Variants in CLASP1 observed in about 807,000 individuals in gnomAD.
CLASP1 encodes the protein cytoplasmic linker associated protein 1.
Under a neutral mutation model 192.3 loss-of-function variants are expected in CLASP1, and 38 were observed. The observed-to-expected ratio is 0.20, with a 90% CI of 0.15 to 0.26. CLASP1 has a LOEUF of 0.26. Ranked by LOEUF, CLASP1 falls within the 10% of genes least tolerant of loss-of-function variation. The pLI, the probability that CLASP1 is intolerant of heterozygous loss-of-function variation, is 1.00. For synonymous variants in CLASP1, 691 were observed against 712.8 expected (o/e 0.97, Z 0.49); for missense variants, 1,433 against 1,932.5 (o/e 0.74, Z 4.85).
chr2:121,648,843 G>C (rs2073679172), intron 1 of CLASP1, among the ~76,000 whole-genome samples: 1 of 152,240 alleles, frequency 6.6e-6, no homozygotes, highest in Non-Finnish European at 1.5e-5. Context: ...GCTCGGCGCC[G>C]CTCGCGCAGC....
exon 35 of CLASP1, chr2:121,367,814 G>A (rs376745867): frequency 1.4e-5 from 22 of 1,613,220 alleles, no homozygotes; most frequent in Middle Eastern, 1.6e-4. Context: ...GGGAGGCAGC[G>A]CCCCCATCGC....
chr2:121,350,503 G>T lies in CLASP1; in HGVS notation c.4207-1785C>A, dbSNP rs116831067. Reference sequence around the variant, plus strand: ...GGGCCCTCACTGAGGCTCTCCTGGGGCTCTGGGAAGAGACTGTGGCTCCAG... The same window carrying T: ...GGGCCCTCACTGAGGCTCTCCTGGGTCTCTGGGAAGAGACTGTGGCTCCAG... On this transcript the variant is annotated intron_variant, in intron 37 of 39. Coordinates refer to ENST00000263710, the Ensembl canonical transcript of CLASP1. Among the ~76,000 whole-genome samples, 749 of 152,308 alleles carry T rather than the reference G, an allele frequency of 4.9e-3. 9 individuals carry two copies. Among genetic ancestry groups the T allele is most frequent in the African/African-American group, 0.017 (726 of 41,562 alleles).
At chr2:121,365,993 G>A (rs936947607) in intron 35 of CLASP1, among the ~76,000 whole-genome samples, 4 of 152,084 alleles carry the variant, frequency 2.6e-5, no homozygotes, top group Non-Finnish European at 5.9e-5. Context: ...AAATAGAGAG[G>A]ATGAAAAAAC....
chr2:121,594,671 G>A (rs1002405034), intron 2 of CLASP1, among the ~76,000 whole-genome samples: 7 of 152,130 alleles, frequency 4.6e-5, no homozygotes, highest in Non-Finnish European at 7.4e-5. Flanking sequence ...GATTACAGGT[G>A]TGAGCCACTG....
chr2:121,519,697 T>C (rs1013662807), intron 6 of CLASP1, among the ~76,000 whole-genome samples: 1 of 152,172 alleles, frequency 6.6e-6, no homozygotes, highest in Admixed American at 6.5e-5. Flanking sequence ...TAAACCAACA[T>C]CTTTATCCTT....
chr2:121,445,437 C>T (rs2084139090), intron 19 of CLASP1: 3 of 1,287,966 alleles, frequency 2.3e-6, no homozygotes, highest in African/African-American at 1.5e-5. Context: ...CAAAAGCTGT[C>T]GAGCATGGTA....
chr2:121,489,396 G>A (rs1237120705), intron 8 of CLASP1, among the ~76,000 whole-genome samples: 1 of 152,170 alleles, frequency 6.6e-6, no homozygotes, highest in Non-Finnish European at 1.5e-5. Flanking sequence ...AATAAACACT[G>A]AGCAGAAGTC....
chr2:121,352,579 C>T (rs1043741571), intron 37 of CLASP1, among the ~76,000 whole-genome samples: 1 of 152,158 alleles, frequency 6.6e-6, no homozygotes, highest in African/African-American at 2.4e-5. Context: ...AGGAGACAAA[C>T]CTTAGTTGAA....
At chr2:121,627,144 G>C (rs1246321046) in intron 1 of CLASP1, among the ~76,000 whole-genome samples, 1 of 152,158 alleles carries the variant, frequency 6.6e-6, no homozygotes, top group Non-Finnish European at 1.5e-5. Flanking sequence ...ATAACGTAGG[G>C]AAAAGAAGAC....
In CLASP1 at chr2:121,530,924, A is replaced by C. The variant is rs551370385; in HGVS notation, c.196-599T>G. On this transcript the variant is annotated intron_variant, in intron 2 of 39. Coordinates refer to ENST00000263710, the Ensembl canonical transcript of CLASP1. ...TTGCGCTACTGTCCAATGAGCGCAT[A>C]GTGAGGGCAGTACTGCTAACGCCTG... is the stretch of plus-strand genomic sequence containing the variant. 255 of 699,986 alleles carry C rather than the reference A, an allele frequency of 3.6e-4. No individual in the cohort carries two copies. The highest frequency in any genetic ancestry group is 3.6e-3 in the South Asian group (245 of 67,498). 43.4% of individuals were successfully genotyped at this position (699,986 alleles called of 1,614,324 possible).
At chr2:121,454,018 T>C (rs923995048) in intron 14 of CLASP1, among the ~76,000 whole-genome samples, 2 of 152,154 alleles carry the variant, frequency 1.3e-5, no homozygotes, top group Non-Finnish European at 2.9e-5. Flanking sequence ...GAAATAACAA[T>C]CTGAGTGTGT....
At chr2:121,367,919 T>A in intron 34 of CLASP1, 88 bp from the exon 36 acceptor site, 5 of 1,524,312 alleles carry the variant, frequency 3.3e-6, no homozygotes, top group Non-Finnish European at 3.5e-6. Flanking sequence ...AGGCCAGAGA[T>A]TTTCACTTGA....
chr2:121,434,001 T>C (rs1328896291), intron 19 of CLASP1, among the ~76,000 whole-genome samples: 1 of 152,200 alleles, frequency 6.6e-6, no homozygotes, highest in Non-Finnish European at 1.5e-5. Flanking sequence ...TTGATACAAC[T>C]TGTGTGCGAA....
chr2:121,512,666 A>T (rs2094172420), intron 7 of CLASP1, among the ~76,000 whole-genome samples: 1 of 152,176 alleles, frequency 6.6e-6, no homozygotes, highest in Non-Finnish European at 1.5e-5. Context: ...CCCTAATTCC[A>T]GCTCCTCCAA....
intron 2 of CLASP1, among the ~76,000 whole-genome samples, chr2:121,589,716 A>T (rs2062162380): frequency 1.3e-5 from 2 of 151,834 alleles, no homozygotes; most frequent in Non-Finnish European, 1.5e-5. Flanking sequence ...GCTGATATTT[A>T]TTAGGTTATA....
chr2:121,571,384 G>A (rs2059959435), intron 2 of CLASP1, among the ~76,000 whole-genome samples: 1 of 151,958 alleles, frequency 6.6e-6, no homozygotes, highest in African/African-American at 2.4e-5. Flanking sequence ...GGTAGAGATG[G>A]GCTTTCACCA....
chr2:121,559,819 T>A (rs929799606), intron 2 of CLASP1, among the ~76,000 whole-genome samples: 1 of 152,162 alleles, frequency 6.6e-6, no homozygotes, highest in African/African-American at 2.4e-5. Flanking sequence ...AATTGTAAAC[T>A]ATAAAATGGT....
At chr2:121,387,976 T>C (rs113526064) in intron 30 of CLASP1, 70 bp from the exon 32 acceptor site, 2 of 1,206,848 alleles carry the variant, frequency 1.7e-6, no homozygotes, top group African/African-American at 3.1e-5. Context: ...TAAAGTTGTT[T>C]AAAAAAATAT....
chr2:121,475,903 C>T (rs2091541775), intron 8 of CLASP1, among the ~76,000 whole-genome samples: 1 of 152,158 alleles, frequency 6.6e-6, no homozygotes, highest in South Asian at 2.1e-4. Flanking sequence ...GCCTTCAGTT[C>T]CTAGCAAGCA....
Sources: allele counts gnomAD v4.1 joint callset (sites outside exome capture counted in the v4.1 genomes callset), GRCh38; gene constraint gnomAD v4.1.1; transcripts MANE v1.5; gene names NCBI Gene and HGNC (gene_info 2026-07-23, HGNC 2026-07-21).